Variants in RBPMS2 observed in about 807,000 individuals in gnomAD.
The protein encoded by RBPMS2 is RNA-binding protein with multiple splicing 2.
In RBPMS2, 14 loss-of-function variants were observed where a neutral mutation model predicts 25.7. That is an observed-to-expected ratio of 0.55 (90% CI 0.36 to 0.85). The LOEUF (loss-of-function observed/expected upper bound fraction) is 0.85. Ranked by LOEUF, RBPMS2 falls within the 40% of genes least tolerant of loss-of-function variation. The pLI is 0.01. For missense variants in RBPMS2, 252 were observed against 283.4 expected (o/e 0.89, Z 0.80); for synonymous variants, 127 against 115.6 (o/e 1.10, Z -0.63).
At chr15:64,774,309 G>C (rs1184662161) in intron 1 of RBPMS2, among the ~76,000 whole-genome samples, 1 of 152,194 alleles carries the variant, frequency 6.6e-6, no homozygotes, top group Non-Finnish European at 1.5e-5. Flanking sequence ...GAGGCCAGAG[G>C]CCCTGCGAAG....
At chr15:64,749,638 A>T in intron 3 of RBPMS2, 145 bp from the exon 4 acceptor site, 1 of 661,702 alleles carries the variant, frequency 1.5e-6, no homozygotes, top group Non-Finnish European at 2.5e-6. Context: ...AAGCCCCCCA[A>T]AACTCCAGCC....
rs756909932 is a variant in RBPMS2, at chr15:64,749,061, T to C, written c.357A>G (p.Ala119=). The C allele has an allele frequency of 6.2e-6, 10 of 1,614,180 alleles. No homozygotes were observed. Among genetic ancestry groups the C allele is most frequent in the Non-Finnish European group, 7.6e-6 (9 of 1,180,028 alleles). The change falls in exon 5 of 8, where the codon GCA becomes GCG. Residue 119 remains alanine, a synonymous_variant. Coordinates refer to ENST00000300069, the MANE Select transcript of RBPMS2 (RefSeq NM_194272.3). The stretch of plus-strand genomic sequence containing the variant: ...GGTGCACGTTGCTGGGATTTGGAGT[T>C]GCCATTAGCTTGCTCTTGGCCATCT... ...NTKMAKSKLM[A]TPNPSNVHPA...
chr15:64,774,170 G>A (rs769690635), intron 1 of RBPMS2, among the ~76,000 whole-genome samples: 22 of 152,212 alleles, frequency 1.4e-4, no homozygotes, highest in Non-Finnish European at 2.9e-5. Context: ...CCACACCAGG[G>A]GCTCTGCGGT....
chr15:64,755,966 C>T, intron 1 of RBPMS2, among the ~76,000 whole-genome samples: 1 of 152,134 alleles, frequency 6.6e-6, no homozygotes, highest in Non-Finnish European at 1.5e-5. Flanking sequence ...ACTACCCTTT[C>T]CTTCCTCTGA....
chr15:64,765,335 A>C, intron 1 of RBPMS2, among the ~76,000 whole-genome samples: 1 of 151,054 alleles, frequency 6.6e-6, no homozygotes, highest in East Asian at 1.9e-4. Flanking sequence ...GAATCCCTTG[A>C]ACCCAGGAGG....
rs1245314835 is a variant in RBPMS2 at position 64,750,385 on chromosome 15, C to T, written c.166-4G>A. On this transcript the variant is annotated splice_polypyrimidine_tract_variant and splice_region_variant and intron_variant, in intron 2 of 7. Transcript: ENST00000300069. ...TGATCAGGGACCCTTCATACCCCTG[C>T]GGAGAGAGGTGGCTGTTACCGTGGA... 20 of 1,613,338 alleles carry T rather than the reference C, an allele frequency of 1.2e-5. No homozygotes were observed. The highest frequency in any genetic ancestry group is 1.7e-5 in the Admixed American group (1 of 59,996).
At chr15:64,771,131 C>T (rs1482980892) in intron 1 of RBPMS2, among the ~76,000 whole-genome samples, 2 of 152,242 alleles carry the variant, frequency 1.3e-5, no homozygotes, top group Non-Finnish European at 2.9e-5. Flanking sequence ...ATAAATACCA[C>T]TCTCCCCCTT....
At chr15:64,745,581 T>G (rs1048614520) in intron 6 of RBPMS2, among the ~76,000 whole-genome samples, 4 of 152,236 alleles carry the variant, frequency 2.6e-5, no homozygotes, top group Non-Finnish European at 4.4e-5. Flanking sequence ...AAATCCAGTC[T>G]GGGAGGACCG....
chr15:64,754,541 G>A (rs2141064528), intron 1 of RBPMS2, among the ~76,000 whole-genome samples: 1 of 152,060 alleles, frequency 6.6e-6, no homozygotes, highest in Non-Finnish European at 1.5e-5. Context: ...GAATCGGGAG[G>A]CAGAGGTTGC....
intron 1 of RBPMS2, among the ~76,000 whole-genome samples, chr15:64,774,431 T>C (rs1032575059): frequency 6.6e-6 from 1 of 152,062 alleles, no homozygotes; most frequent in African/African-American, 2.4e-5. Context: ...ACATCCTCCC[T>C]ACCATCCATT....
At chr15:64,744,574 G>C (rs1052202078) in intron 6 of RBPMS2, among the ~76,000 whole-genome samples, 5 of 101,874 alleles carry the variant, frequency 4.9e-5, no homozygotes, top group Non-Finnish European at 8.3e-5. Flanking sequence ...AAAAAAAAAA[G>C]AAAGAAAGAA....
intron 1 of RBPMS2, among the ~76,000 whole-genome samples, chr15:64,761,607 TG>T (rs1412682982): frequency 1.3e-5 from 2 of 151,256 alleles, no homozygotes; most frequent in Non-Finnish European, 2.9e-5. Context: ...GGCGCAAACA[TG>T]GCTCACTGCA....
intron 1 of RBPMS2, among the ~76,000 whole-genome samples, chr15:64,774,575 G>A (rs900556554): frequency 1.3e-5 from 2 of 151,932 alleles, no homozygotes; most frequent in South Asian, 4.2e-4. Context: ...TGGCTTGGTT[G>A]CCAGGACAAA....
chr15:64,748,002 T>TA lies in RBPMS2; in HGVS notation c.567+416dup, dbSNP rs67234466. ...TGATCATTCCCATTTTTCAGATGAC[T>TA]AAAAAAAAAAAATCGAGGCACAGCA... is the stretch of plus-strand genomic sequence containing the variant. On this transcript the variant is annotated intron_variant, in intron 6 of 7. Transcript: ENST00000300069. Among the ~76,000 whole-genome samples the TA allele has an allele frequency of 6.3e-3, 947 of 149,990 alleles. 11 individuals carry two copies. Among genetic ancestry groups the TA allele is most frequent in the African/African-American group, 0.022 (912 of 40,584 alleles).
chr15:64,759,280 C>T (rs561386890), intron 1 of RBPMS2, among the ~76,000 whole-genome samples: 18 of 152,260 alleles, frequency 1.2e-4, no homozygotes, highest in Non-Finnish European at 1.8e-4. Flanking sequence ...CCTCCTAGTA[C>T]GAATAGATCT....
intron 1 of RBPMS2, among the ~76,000 whole-genome samples, chr15:64,757,246 T>A (rs559565047): frequency 7.6e-4 from 116 of 152,180 alleles, no homozygotes; most frequent in African/African-American, 2.6e-3. Context: ...GTGGTGGAAT[T>A]ACAGGTATGA....
chr15:64,744,980 A>C (rs2083605228), intron 6 of RBPMS2, among the ~76,000 whole-genome samples: 1 of 151,426 alleles, frequency 6.6e-6, no homozygotes, highest in Non-Finnish European at 1.5e-5. Context: ...ACGCCCAGCT[A>C]ATTTTTGTAT....
chr15:64,741,917 G>A (rs571753963), intron 6 of RBPMS2, among the ~76,000 whole-genome samples: 19 of 152,292 alleles, frequency 1.2e-4, no homozygotes, highest in African/African-American at 4.6e-4. Context: ...TGTAATCCCA[G>A]CACTTTCGGA....
chr15:64,768,393 C>T (rs1401298070), intron 1 of RBPMS2, among the ~76,000 whole-genome samples: 1 of 151,984 alleles, frequency 6.6e-6, no homozygotes, highest in Admixed American at 6.6e-5. Context: ...TAACCCAGCA[C>T]TTTAGGAGGC....
Sources: allele counts gnomAD v4.1 joint callset (sites outside exome capture counted in the v4.1 genomes callset), GRCh38; gene constraint gnomAD v4.1.1; transcripts MANE v1.5; gene names NCBI Gene and HGNC (gene_info 2026-07-23, HGNC 2026-07-21).